The following ROBO1 variants were observed in gnomAD, a reference collection of about 807,000 sequenced individuals.
The protein encoded by ROBO1 is roundabout guidance receptor 1.
In ROBO1, 149 loss-of-function variants were observed where a neutral mutation model predicts 195.9. That is an observed-to-expected ratio of 0.76 (90% CI 0.67 to 0.87). ROBO1 has a LOEUF of 0.87. Ranked by LOEUF, ROBO1 falls within the 40% of genes least tolerant of loss-of-function variation. The probability of loss-of-function intolerance (pLI) is 0.00; values close to 1 mark genes in which losing one functional copy is unlikely to be tolerated. For missense variants in ROBO1, 1,933 were observed against 2,068.3 expected (o/e 0.93, Z 1.27); for synonymous variants, 816 against 733.2 (o/e 1.11, Z -1.82).
chr3:79,632,223 A>T (rs1321206667), intron 1 of ROBO1, among the ~76,000 whole-genome samples: 5 of 152,132 alleles, frequency 3.3e-5, no homozygotes, highest in Middle Eastern at 3.2e-3. Flanking sequence ...AAGTCATAGA[A>T]TCATCTTAAG....
intron 2 of ROBO1, among the ~76,000 whole-genome samples, chr3:79,256,779 T>C (rs1390084507): frequency 1.3e-5 from 2 of 152,096 alleles, no homozygotes; most frequent in African/African-American, 2.4e-5. Flanking sequence ...TCTTAACTTT[T>C]AAAAGCAAAA....
chr3:79,057,504 T>C (rs1057232868), intron 3 of ROBO1, among the ~76,000 whole-genome samples: 1 of 152,028 alleles, frequency 6.6e-6, no homozygotes, highest in Non-Finnish European at 1.5e-5. Flanking sequence ...CAAATCAAAA[T>C]GGGTCTGGTT....
intron 3 of ROBO1, among the ~76,000 whole-genome samples, chr3:78,985,488 G>A (rs1269611998): frequency 3.3e-5 from 5 of 151,998 alleles, no homozygotes; most frequent in South Asian, 2.1e-4. Flanking sequence ...TAGACTGCAC[G>A]AGGGGTCAGC....
At position 79,766,131 on chromosome 3, in the gene ROBO1, G is replaced by A. The variant is rs539733443; in HGVS notation, c.-51+1621C>T. On this transcript the variant is annotated intron_variant, in intron 1 of 30. Coordinates refer to ENST00000464233, the MANE Select transcript of ROBO1 (RefSeq NM_002941.4). ...GAAGGAGCCTCCAGTGAGTTCCTGCGTCTGGAAATCTGCCCCCTTTAGTGC... is the reference window on the plus strand; with the variant it reads ...GAAGGAGCCTCCAGTGAGTTCCTGCATCTGGAAATCTGCCCCCTTTAGTGC... 5.6e-4 allele frequency among the ~76,000 whole-genome samples: 85 copies of A among 151,982 alleles called. No individual in the cohort carries two copies. The South Asian group carries it at 0.017, about 31-fold the overall frequency.
At chr3:79,658,353 T>C (rs1270126421) in intron 1 of ROBO1, among the ~76,000 whole-genome samples, 1 of 152,080 alleles carries the variant, frequency 6.6e-6, no homozygotes, top group Non-Finnish European at 1.5e-5. Flanking sequence ...TTCAAATAAT[T>C]AGGTTGTTAT....
At chr3:78,818,525 T>C (rs552993518) in intron 4 of ROBO1, among the ~76,000 whole-genome samples, 10 of 152,336 alleles carry the variant, frequency 6.6e-5, no homozygotes, top group African/African-American at 2.4e-4. Context: ...AGGGGACTAA[T>C]GCACTGAGCA....
rs756259798 is a variant in ROBO1, at chr3:78,746,734, A to T, written c.657+9T>A. ...ACAAATGTCCTCTGCTGTTGAATTA[A>T]ATACTCACAGTTATTCTTTCATCTT... On this transcript the variant is annotated intron_variant, in intron 5 of 30. Transcript: ENST00000464233. 6 of 1,474,508 alleles carry T rather than the reference A, an allele frequency of 4.1e-6. No homozygotes were observed. The highest frequency in any genetic ancestry group is 1.8e-4 in the Middle Eastern group (1 of 5,442). 91.3% of individuals were successfully genotyped at this position (1,474,508 alleles called of 1,614,324 possible).
chr3:79,338,886 T>C (rs906435213), intron 2 of ROBO1, among the ~76,000 whole-genome samples: 10 of 152,176 alleles, frequency 6.6e-5, no homozygotes, highest in Admixed American at 4.6e-4. Context: ...TCCATTTGTA[T>C]ATCTCATAAG....
chr3:78,985,985 T>C (rs921424713), intron 3 of ROBO1, among the ~76,000 whole-genome samples: 3 of 152,106 alleles, frequency 2.0e-5, no homozygotes, highest in Non-Finnish European at 4.4e-5. Flanking sequence ...CTTAAGGAGA[T>C]AACATGAAGT....
intron 3 of ROBO1, among the ~76,000 whole-genome samples, chr3:79,078,347 G>A (rs77152154): frequency 1.5e-4 from 23 of 151,740 alleles, no homozygotes; most frequent in Admixed American, 1.5e-3. Context: ...TATGTAGGTT[G>A]TACCCTCTAG....
At chr3:79,608,685 A>G (rs1225791010) in intron 1 of ROBO1, among the ~76,000 whole-genome samples, 1 of 151,944 alleles carries the variant, frequency 6.6e-6, no homozygotes, top group Non-Finnish European at 1.5e-5. Context: ...CATCATGTAA[A>G]TAGGGCCATA....
At chr3:78,692,380 C>T (rs2081194839) in intron 8 of ROBO1, among the ~76,000 whole-genome samples, 1 of 152,060 alleles carries the variant, frequency 6.6e-6, no homozygotes, top group Non-Finnish European at 1.5e-5. Context: ...AGTGATTCTC[C>T]TGCCTCAGCC....
rs572402804 is a variant in ROBO1, at chr3:79,574,112, G to A, written c.88+15712C>T. Among the ~76,000 whole-genome samples the A allele has an allele frequency of 1.5e-4, 23 of 152,014 alleles. 1 individual carries two copies. Among genetic ancestry groups the A allele is most frequent in the Non-Finnish European group, 2.8e-4 (19 of 67,938 alleles). ...TAGGGTGGTTATGTTGAAGCAGGTC[G>A]CTTATAAGTGTTGTTGTCATATAAT... is the stretch of plus-strand genomic sequence containing the variant. On this transcript the variant is annotated intron_variant, in intron 2 of 30. Coordinates refer to ENST00000464233, the MANE Select transcript of ROBO1 (RefSeq NM_002941.4).
In ROBO1 at chr3:79,410,617, A is replaced by AAAGGAAGGAAGG. The variant is rs141093481; in HGVS notation, c.88+179195_88+179206dup. Among the ~76,000 whole-genome samples the AAAGGAAGGAAGG allele has an allele frequency of 1.8e-3, 262 of 149,554 alleles. 1 individual carries two copies. Among genetic ancestry groups the AAAGGAAGGAAGG allele is most frequent in the African/African-American group, 5.3e-3 (216 of 40,550 alleles). On this transcript the variant is annotated intron_variant, in intron 2 of 30. Coordinates refer to ENST00000464233, the MANE Select transcript of ROBO1 (RefSeq NM_002941.4). The stretch of plus-strand genomic sequence containing the variant: ...AAGAGGAAGAAGAAAGAAAGAAAAG[A>AAAGGAAGGAAGG]AAGGAAGGAAGGAAGGAAGGAAGGA...
intron 1 of ROBO1, among the ~76,000 whole-genome samples, chr3:79,612,232 A>G (rs1009667410): frequency 6.4e-5 from 9 of 141,308 alleles, no homozygotes; most frequent in African/African-American, 2.4e-4. Flanking sequence ...TTCTGTGTCC[A>G]TGTGATCTCA....
chr3:79,419,783 G>C (rs2106926069), intron 2 of ROBO1, among the ~76,000 whole-genome samples: 1 of 152,120 alleles, frequency 6.6e-6, no homozygotes, highest in South Asian at 2.1e-4. Context: ...CTTTGGGTTT[G>C]AATATTACTG....
chr3:79,567,259 G>C (rs556898838), intron 2 of ROBO1, among the ~76,000 whole-genome samples: 2 of 152,236 alleles, frequency 1.3e-5, no homozygotes, highest in Admixed American at 6.5e-5. Context: ...TTGGAGTGTA[G>C]AGAATGGGAA....
chr3:79,596,916 A>G (rs1469416766), intron 1 of ROBO1, among the ~76,000 whole-genome samples: 2 of 152,034 alleles, frequency 1.3e-5, no homozygotes, highest in South Asian at 2.1e-4. Flanking sequence ...TTAGTATATT[A>G]TAGCATGTAT....
intron 5 of ROBO1, among the ~76,000 whole-genome samples, chr3:78,745,767 C>A (rs1559809614): frequency 1.3e-5 from 2 of 152,186 alleles, no homozygotes; most frequent in African/African-American, 4.8e-5. Flanking sequence ...AATTTTCTTT[C>A]AAGGTCTCTA....
Sources: gnomAD v4.1 joint callset for allele counts (sites outside exome capture counted in the v4.1 genomes callset) on GRCh38, gnomAD v4.1.1 for gene constraint, MANE v1.5 for transcripts, NCBI Gene and HGNC (gene_info 2026-07-23, HGNC 2026-07-21) for gene names.